SKA2: variants seen among roughly 807,000 people sequenced by gnomAD.
SKA2 encodes spindle and kinetochore-associated protein 2.
Under a neutral mutation model 16.9 loss-of-function variants are expected in SKA2, and 13 were observed. That is an observed-to-expected ratio of 0.77 (90% CI 0.50 to 1.22). The LOEUF (loss-of-function observed/expected upper bound fraction) is 1.22, where lower values mean the gene tolerates loss of function less well. Among genes scored for constraint, SKA2 ranks in the 50% most tolerant of loss-of-function variants. The pLI, the probability that SKA2 is intolerant of heterozygous loss-of-function variation, is 0.00. For missense variants in SKA2, 107 were observed against 139.7 expected (o/e 0.77, Z 1.18); for synonymous variants, 47 against 48.5 (o/e 0.97, Z 0.13).
At chr17:59,131,436 T>C (rs2046411241) in intron 1 of SKA2, 69 bp from the exon 2 acceptor site, 1 of 1,043,280 alleles carries the variant, frequency 9.6e-7, no homozygotes, top group Non-Finnish European at 1.3e-6. Context: ...CTTTATTCTT[T>C]TTTTCTCTTT....
rs926033475 is a variant in SKA2 at position 59,119,340 on chromosome 17, T to C, written c.276A>G (p.Leu92=). 6.2e-7 allele frequency: 1 copy of C among 1,613,818 alleles called. No homozygotes were observed. Among genetic ancestry groups the C allele is most frequent in the African/African-American group, 1.3e-5 (1 of 74,926 alleles). The change falls in exon 3 of 4, where the codon CTA becomes CTG. Residue 92 remains leucine (L), a synonymous_variant. Transcript: ENST00000330137. ...TTACCTCCAGGTCTGTTTGCTTCTGTAGTTTTTGTATCATATTCATAGTCT... is the reference window on the plus strand; with the variant it reads ...TTACCTCCAGGTCTGTTTGCTTCTGCAGTTTTTGTATCATATTCATAGTCT... ...VKKTMNMIQK[L]QKQTDLELSP...
chr17:59,114,764 G>A (rs2046285440), intron 3 of SKA2, among the ~76,000 whole-genome samples: 1 of 152,142 alleles, frequency 6.6e-6, no homozygotes, highest in Admixed American at 6.6e-5. Flanking sequence ...AAACAGGCTG[G>A]CTGAAACAAA....
chr17:59,154,789 C>G (rs955346917), intron 1 of SKA2, among the ~76,000 whole-genome samples: 1 of 152,158 alleles, frequency 6.6e-6, no homozygotes, highest in Non-Finnish European at 1.5e-5. Flanking sequence ...GCTTAGGGAC[C>G]GTTCCATTCA....
intron 1 of SKA2, chr17:59,151,656 AG>A (rs963216285): frequency 6.2e-6 from 1 of 162,518 alleles, no homozygotes; most frequent in Non-Finnish European, 1.3e-5. Context: ...TTTGAATAAA[AG>A]TATCAAAGAA....
At chr17:59,142,640 G>C (rs1482676877) in intron 1 of SKA2, among the ~76,000 whole-genome samples, 1 of 151,000 alleles carries the variant, frequency 6.6e-6, no homozygotes, top group African/African-American at 2.4e-5. Context: ...AAAAAAGAGA[G>C]ACAGGGCTGG....
chr17:59,130,780 T>TA (rs1221941347), intron 2 of SKA2, among the ~76,000 whole-genome samples: 1 of 152,212 alleles, frequency 6.6e-6, no homozygotes, highest in Admixed American at 6.6e-5. Flanking sequence ...TATGTATACT[T>TA]ACACTTAATG....
chr17:59,118,140 C>T (rs2147794983), intron 3 of SKA2: 1 of 152,348 alleles, frequency 6.6e-6, no homozygotes, highest in Admixed American at 6.5e-5. Context: ...GTGGCAGGCG[C>T]TTGTAATCCC....
intron 1 of SKA2, among the ~76,000 whole-genome samples, chr17:59,154,469 G>A (rs752362222): frequency 1.3e-5 from 2 of 152,152 alleles, no homozygotes; most frequent in Non-Finnish European, 1.5e-5. Context: ...CAACTCCAGA[G>A]CAGGATGCCT....
Position 59,134,586 on chromosome 17 carries a change from C to T in SKA2, c.34-3219G>A, listed in dbSNP as rs1447932721. On this transcript the variant is annotated intron_variant, in intron 1 of 3. Transcript: ENST00000330137. ...TTTTTTTTTTTGGAGGAGTCTTGTT[C>T]TGTTGCCCAGGCTAGAGTGCAGTGG... Among the ~76,000 whole-genome samples the T allele has an allele frequency of 3.3e-5, 5 of 149,754 alleles. No homozygotes were observed. The South Asian group carries it at 1.0e-3, about 31-fold the overall frequency.
At chr17:59,128,682 T>C (rs972839220) in intron 2 of SKA2, among the ~76,000 whole-genome samples, 3 of 150,706 alleles carry the variant, frequency 2.0e-5, no homozygotes, top group African/African-American at 7.3e-5. Context: ...AAAGGTCATA[T>C]ATTATATGAT....
At position 59,137,004 on chromosome 17, in the gene SKA2, A is replaced by C. The variant is rs150050246; in HGVS notation, c.34-5637T>G. Among the ~76,000 whole-genome samples, 105 of 152,276 alleles carry C rather than the reference A, an allele frequency of 6.9e-4. 1 individual carries two copies. The highest frequency in any genetic ancestry group is 2.3e-3 in the African/African-American group (97 of 41,560). On this transcript the variant is annotated intron_variant, in intron 1 of 3. Coordinates refer to ENST00000330137, the MANE Select transcript of SKA2 (RefSeq NM_182620.4). ...GCCATTAAGAGTCACACATGTGGAA[A>C]AAATGTAAATTCTTTTTTTTCTTTT... is the stretch of plus-strand genomic sequence containing the variant.
At position 59,112,109 on chromosome 17, in the gene SKA2, C is replaced by T; in HGVS notation, c.*168G>A. 1 of 594,982 alleles carries T rather than the reference C, an allele frequency of 1.7e-6. No individual in the cohort carries two copies. The highest frequency in any genetic ancestry group is 2.9e-5 in the East Asian group (1 of 34,434). The allele number at this position is 594,982 out of a possible 1,614,324, so 36.9% of individuals were successfully genotyped here. On this transcript the variant is annotated 3_prime_UTR_variant, in exon 4 of 4. Coordinates refer to ENST00000330137, the MANE Select transcript of SKA2 (RefSeq NM_182620.4). ...GAACTTTATTCATATATTATCTGCC[C>T]TTCTTCTTATAATCTCTCTCATGAA...
At chr17:59,144,844 G>A (rs757491971) in intron 1 of SKA2, among the ~76,000 whole-genome samples, 9 of 151,976 alleles carry the variant, frequency 5.9e-5, no homozygotes, top group Non-Finnish European at 1.0e-4. Flanking sequence ...TCACTCTGTC[G>A]CCCAGGTTCC....
At chr17:59,113,915 A>G (rs1319452393) in intron 3 of SKA2, among the ~76,000 whole-genome samples, 1 of 152,154 alleles carries the variant, frequency 6.6e-6, no homozygotes, top group Admixed American at 6.6e-5. Flanking sequence ...TTATTTAGCA[A>G]CTGAACAATG....
chr17:59,148,820 A>G (rs1284973863), intron 1 of SKA2, among the ~76,000 whole-genome samples: 2 of 150,502 alleles, frequency 1.3e-5, no homozygotes, highest in Non-Finnish European at 3.0e-5. Flanking sequence ...AAAAAAAAAA[A>G]AAAAAAAAAA....
chr17:59,136,551 CTT>C (rs879557756), intron 1 of SKA2, among the ~76,000 whole-genome samples: 1 of 144,764 alleles, frequency 6.9e-6, no homozygotes. Flanking sequence ...GAAAAATAAG[CTT>C]TTTTTTTTTT....
intron 2 of SKA2, among the ~76,000 whole-genome samples, chr17:59,128,072 T>A (rs1435667974): frequency 6.6e-6 from 1 of 150,776 alleles, no homozygotes; most frequent in Non-Finnish European, 1.5e-5. Flanking sequence ...AAAAATCAGC[T>A]GGTGTGGTGG....
At chr17:59,126,096 G>A (rs1398212187) in intron 2 of SKA2, among the ~76,000 whole-genome samples, 5 of 151,674 alleles carry the variant, frequency 3.3e-5, no homozygotes, top group South Asian at 4.2e-4. Context: ...GCGTGAACCC[G>A]GGAGGCGGAG....
intron 1 of SKA2, among the ~76,000 whole-genome samples, chr17:59,149,193 C>A (rs2046558043): frequency 6.6e-6 from 1 of 152,072 alleles, no homozygotes; most frequent in African/African-American, 2.4e-5. Flanking sequence ...AGTATTTACT[C>A]AAAAGAAATG....
Sources: gnomAD v4.1 joint callset for allele counts (sites outside exome capture counted in the v4.1 genomes callset) on GRCh38, gnomAD v4.1.1 for gene constraint, MANE v1.5 for transcripts, NCBI Gene and HGNC (gene_info 2026-07-23, HGNC 2026-07-21) for gene names.